The following SEMA5B variants were observed in gnomAD, a reference collection of about 807,000 sequenced individuals.
The protein encoded by SEMA5B is semaphorin 5B, also known as semaphorin-5B.
SEMA5B carries 66 observed loss-of-function variants against 135.0 expected under a neutral mutation model. The observed-to-expected ratio is 0.49, with a 90% CI of 0.40 to 0.60. The LOEUF (loss-of-function observed/expected upper bound fraction) is 0.60. Ranked by LOEUF, SEMA5B falls within the 20% of genes least tolerant of loss-of-function variation. SEMA5B has a pLI of 0.00. For synonymous variants in SEMA5B, 690 were observed against 639.5 expected (o/e 1.08, Z -1.19); for missense variants, 1,501 against 1,566.3 (o/e 0.96, Z 0.70).
At chr3:123,004,622 A>G (rs969182599) in intron 1 of SEMA5B, among the ~76,000 whole-genome samples, 2 of 152,228 alleles carry the variant, frequency 1.3e-5, no homozygotes, top group African/African-American at 4.8e-5. Context: ...ACACTTTAGA[A>G]TGACCCACCC....
At chr3:122,935,682 C>CTTTTTTTTTTTTT (rs1402707939) in intron 5 of SEMA5B, among the ~76,000 whole-genome samples, 4 of 70,734 alleles carry the variant, frequency 5.7e-5, no homozygotes, top group African/African-American at 1.7e-4. Context: ...CTTTTTCTTT[C>CTTTTTTTTTTTTT]TTTCTTTTTT....
In SEMA5B at chr3:122,912,904, C is replaced by A. The variant is rs147850451; in HGVS notation, c.2664G>T (p.Gly888=). The part of the protein sequence containing the change: ...RTCTNPEPRN[G]GLPCVGDAAE... ...CAGCATCGCCCACGCAGGGCAGGCC[C>A]CCGTTGCGGGGCTCCGGGTTAGTGC... Residue 888 remains glycine (G), a synonymous_variant, in exon 18 of 23, where the codon GGG becomes GGT. Coordinates refer to ENST00000357599, the MANE Select transcript of SEMA5B (RefSeq NM_001031702.4). The A allele has an allele frequency of 6.2e-7, 1 of 1,611,258 alleles. No individual in the cohort carries two copies. Among genetic ancestry groups the A allele is most frequent in the South Asian group, 1.1e-5 (1 of 90,840 alleles).
chr3:122,989,627 A>G (rs2107712266), intron 1 of SEMA5B, among the ~76,000 whole-genome samples: 1 of 152,332 alleles, frequency 6.6e-6, no homozygotes, highest in East Asian at 1.9e-4. Context: ...GAATAGACAC[A>G]GGGTAGATGC....
rs186658735 is a variant in SEMA5B, at chr3:123,017,035, G to A, written c.-39+10429C>T. On this transcript the variant is annotated intron_variant, in intron 1 of 22. Transcript: ENST00000357599. ...GCCTCCTGAGTAGCTGGGACTACAG[G>A]CACCCACCACCACGCCCGGCTAATT... Among the ~76,000 whole-genome samples the A allele has an allele frequency of 3.7e-3, 567 of 151,910 alleles. 6 individuals are homozygous for A. The highest frequency in any genetic ancestry group is 0.01 in the African/African-American group (416 of 41,430).
Position 122,922,109 on chromosome 3 carries a change from G to A in SEMA5B, c.1494C>T (p.Ile498=), listed in dbSNP as rs1160613814. The stretch of plus-strand genomic sequence containing the variant: ...GGCTCGCCGTGGACAGCGCCTTCAG[G>A]ATGGTGCCCGACTCTGGAGGAGAGG... ...VLYIGTESGT[I]LKALSTASRS... is the part of the protein sequence containing the mutation. Residue 498 remains isoleucine (I), a synonymous_variant, in exon 12 of 23, where the codon ATC becomes ATT. Transcript: ENST00000357599. 2.7e-6 allele frequency: 4 copies of A among 1,505,802 alleles called. No individual in the cohort carries two copies. In the East Asian group the frequency reaches 9.5e-5, roughly 36 times the overall value. The allele number at this position is 1,505,802 out of a possible 1,614,324, so 93.3% of individuals were successfully genotyped here. A position where few individuals can be genotyped will look rare whatever the true frequency, so the allele number is the denominator to read the frequency against.
intron 1 of SEMA5B, among the ~76,000 whole-genome samples, chr3:123,016,687 G>A (rs551514688): frequency 6.6e-6 from 1 of 151,842 alleles, no homozygotes; most frequent in African/African-American, 2.4e-5. Flanking sequence ...CAATCCTCCT[G>A]CCTCAGCCTC....
At chr3:123,024,307 A>C (rs1942752916) in intron 1 of SEMA5B, among the ~76,000 whole-genome samples, 1 of 152,180 alleles carries the variant, frequency 6.6e-6, no homozygotes, top group South Asian at 2.1e-4. Flanking sequence ...ATGGGTTCCC[A>C]TCCCTCTTTT....
At chr3:122,939,542 C>A in intron 4 of SEMA5B, 72 bp from the exon 5 acceptor site, 1 of 1,224,190 alleles carries the variant, frequency 8.2e-7, no homozygotes, top group Non-Finnish European at 1.2e-6. Context: ...AGCCTCCTGG[C>A]TTGGGCCTCC....
intron 2 of SEMA5B, among the ~76,000 whole-genome samples, chr3:122,954,141 C>T (rs1940177873): frequency 2.0e-5 from 3 of 152,252 alleles, no homozygotes; most frequent in African/African-American, 7.2e-5. Context: ...CTCACTGTAA[C>T]CTCAAGCTGC....
rs182022976 is a variant in SEMA5B, at chr3:122,928,443, C to T, written c.636+74G>A. Reference sequence around the variant, plus strand: ...TTTGCAAAATTTGGTAACCCCCCTTCAAGGCTGTGTGCCTAGGCAGGAGAA... The same window carrying T: ...TTTGCAAAATTTGGTAACCCCCCTTTAAGGCTGTGTGCCTAGGCAGGAGAA... On this transcript the variant is annotated intron_variant, in intron 7 of 22. Transcript: ENST00000357599. 9.8e-5 allele frequency: 122 copies of T among 1,240,112 alleles called. No homozygotes were observed. The African/African-American group carries it at 1.7e-3, about 17-fold the overall frequency. 76.8% of individuals were successfully genotyped at this position (1,240,112 alleles called of 1,614,324 possible). A position where few individuals can be genotyped will look rare whatever the true frequency, so the allele number is the denominator to read the frequency against.
At position 122,948,516 on chromosome 3, in the gene SEMA5B, C is replaced by A; in HGVS notation, c.318G>T (p.Val106=). Residue 106 remains valine (V), a synonymous_variant, in exon 3 of 23, where the codon GTG becomes GTT. Coordinates refer to ENST00000357599, the MANE Select transcript of SEMA5B (RefSeq NM_001031702.4). ...GGAAGCAACTCTTACCTTCAAAGGCCACGGTGGGGTGCTTGCTAAGGGCGC... is the reference window on the plus strand; with the variant it reads ...GGAAGCAACTCTTACCTTCAAAGGCAACGGTGGGGTGCTTGCTAAGGGCGC... ...QLCALSKHPT[V]AFEDLQPWVS... 6.2e-7 allele frequency: 1 copy of A among 1,602,406 alleles called. No individual in the cohort carries two copies. Among genetic ancestry groups the A allele is most frequent in the Non-Finnish European group, 8.5e-7 (1 of 1,171,886 alleles).
chr3:122,911,967 G>C lies in SEMA5B; in HGVS notation c.2999C>G (p.Ala1000Gly), dbSNP rs768696457. 22 of 1,611,988 alleles carry C rather than the reference G, an allele frequency of 1.4e-5. No individual in the cohort carries two copies. The East Asian group carries it at 4.9e-4, about 36-fold the overall frequency. Residue 1000 changes from alanine (A) to glycine (G), a missense_variant, in exon 20 of 23, where the codon GCT becomes GGT. This residue lies in a region of SEMA5B where 927 missense variants were observed against 881.6 expected (regional missense o/e 1.05). Coordinates refer to ENST00000357599, the MANE Select transcript of SEMA5B (RefSeq NM_001031702.4). ...GGGGCGGCTCTGGCTGCTGTTTCCAGCACAGGCGCTGGACCCTGGGAGGAG... is the reference window on the plus strand; with the variant it reads ...GGGGCGGCTCTGGCTGCTGTTTCCACCACAGGCGCTGGACCCTGGGAGGAG... The part of the protein sequence containing the change: ...EELLPGSSAC[A>G]GNSSQSRPCP...
At chr3:122,970,931 C>A (rs540468780) in intron 1 of SEMA5B, among the ~76,000 whole-genome samples, 2 of 152,320 alleles carry the variant, frequency 1.3e-5, no homozygotes, top group South Asian at 4.2e-4. Flanking sequence ...TTTAGGGACC[C>A]TTCTAAGTTT....
intron 1 of SEMA5B, among the ~76,000 whole-genome samples, chr3:123,004,861 G>A (rs1165789286): frequency 2.0e-5 from 3 of 152,132 alleles, no homozygotes; most frequent in South Asian, 4.1e-4. Flanking sequence ...AATCTCATGG[G>A]TGGGCCCATA....
chr3:122,988,785 G>T (rs546216920), intron 1 of SEMA5B, among the ~76,000 whole-genome samples: 1 of 152,388 alleles, frequency 6.6e-6, no homozygotes, highest in East Asian at 1.9e-4. Context: ...TCATGCCCGT[G>T]AGGGCTACCA....
intron 1 of SEMA5B, among the ~76,000 whole-genome samples, chr3:122,971,192 T>A (rs112915986): frequency 3.9e-5 from 6 of 152,204 alleles, no homozygotes; most frequent in African/African-American, 1.4e-4. Context: ...CAGAGCAGGA[T>A]GGGAGAATTA....
chr3:122,910,400 A>G, intron 22 of SEMA5B, 99 bp from the exon 23 acceptor site: 5 of 1,278,426 alleles, frequency 3.9e-6, no homozygotes, highest in South Asian at 1.4e-5. Flanking sequence ...GTGCAAGAAC[A>G]CTCAGACTGC....
At chr3:122,966,357 T>A (rs188537419) in intron 1 of SEMA5B, among the ~76,000 whole-genome samples, 1 of 152,132 alleles carries the variant, frequency 6.6e-6, no homozygotes, top group Non-Finnish European at 1.5e-5. Flanking sequence ...AAAGAGTTGC[T>A]CAGAGAAGAG....
At chr3:122,913,812 G>T (rs751691285) in intron 15 of SEMA5B, 46 bp downstream of exon 15, 6 of 1,566,576 alleles carry the variant, frequency 3.8e-6, no homozygotes, top group South Asian at 1.2e-5. Flanking sequence ...ACTTTCTGGG[G>T]GGCCCGGTTA....
Sources: allele counts gnomAD v4.1 joint callset (sites outside exome capture counted in the v4.1 genomes callset), GRCh38; gene constraint gnomAD v4.1.1; regional missense constraint gnomAD v4.1.1; transcripts MANE v1.5; gene names NCBI Gene and HGNC (gene_info 2026-07-23, HGNC 2026-07-21).